The following ZNF713 variants were observed in gnomAD, a reference collection of about 807,000 sequenced individuals.
The protein encoded by ZNF713 is zinc finger protein 713.
In ZNF713, 21 loss-of-function variants were observed where a neutral mutation model predicts 28.7. That is an observed-to-expected ratio of 0.73 (90% CI 0.52 to 1.05). The LOEUF is 1.05. Ranked by LOEUF, ZNF713 falls within the 50% of genes least tolerant of loss-of-function variation. ZNF713 has a pLI of 0.00. For missense variants in ZNF713, 458 were observed against 532.4 expected, an observed-to-expected ratio of 0.86 and a Z score of 1.37; for synonymous variants, 167 against 178.0, an observed-to-expected ratio of 0.94 and a Z score of 0.49.
intron 1 of ZNF713, among the ~76,000 whole-genome samples, chr7:55,901,755 C>T (rs1410306842): frequency 6.6e-6 from 1 of 152,198 alleles, no homozygotes; most frequent in South Asian, 2.1e-4. Context: ...TAAGTGAACA[C>T]AAAGGATTTA....
chr7:55,917,935 A>C, intron 4 of ZNF713: 1 of 419,428 alleles, frequency 2.4e-6, no homozygotes, highest in Non-Finnish European at 4.9e-6. Context: ...AGACACTCTT[A>C]CACTGCTGGT....
chr7:55,905,531 A>G (rs1438855624), intron 1 of ZNF713, among the ~76,000 whole-genome samples: 1 of 151,996 alleles, frequency 6.6e-6, no homozygotes, highest in African/African-American at 2.4e-5. Context: ...CACTTTGGGA[A>G]AACTACAATT....
At chr7:55,887,874 CGGCGGCGGCGGCGGGCGG>C (rs1785302288) in intron 1 of ZNF713, among the ~76,000 whole-genome samples, 194 bp downstream of exon 1, 2 of 7,848 alleles carry the variant, frequency 2.5e-4, no homozygotes, top group South Asian at 6.3e-3. Flanking sequence ...GCGGCGGCGG[CGGCGGCGGCGGCGGGCGG>C]CGGCGGCGGC....
Position 55,940,638 on chromosome 7 carries a change from G to T in ZNF713, c.*632G>T. The T allele has an allele frequency of 1.2e-6, 1 of 836,044 alleles. No homozygotes were observed. The highest frequency in any genetic ancestry group is 1.4e-6 in the Non-Finnish European group (1 of 694,578). 51.8% of individuals were successfully genotyped at this position (836,044 alleles called of 1,614,324 possible). ...CACCTGCAATCCCAGCTACTCTGGA[G>T]ACTGAGGCATGAGAATGACTTGAAC... On this transcript the variant is annotated 3_prime_UTR_variant, in exon 7 of 7. Transcript: ENST00000429591.
chr7:55,927,077 G>A (rs1299769570), intron 6 of ZNF713, among the ~76,000 whole-genome samples: 1 of 152,140 alleles, frequency 6.6e-6, no homozygotes, highest in African/African-American at 2.4e-5. Flanking sequence ...GGGAGGTAGA[G>A]GTTGCAGTGA....
In ZNF713 at chr7:55,888,661, T is replaced by G. The variant is rs564158038; in HGVS notation, c.-583+981T>G. 7.9e-4 allele frequency among the ~76,000 whole-genome samples: 120 copies of G among 152,196 alleles called. 1 individual carries two copies. Among genetic ancestry groups the G allele is most frequent in the Non-Finnish European group, 1.4e-3 (94 of 68,012 alleles). On this transcript the variant is annotated intron_variant, in intron 1 of 6. Coordinates refer to ENST00000429591, the MANE Select transcript of ZNF713 (RefSeq NM_182633.3). Reference sequence around the variant, plus strand: ...TCTCAAAGTGCTGGGATTACAGGCATGAGCCACGGCGTTCGGCCAGCTGTT... The same window carrying G: ...TCTCAAAGTGCTGGGATTACAGGCAGGAGCCACGGCGTTCGGCCAGCTGTT...
intron 1 of ZNF713, among the ~76,000 whole-genome samples, chr7:55,899,356 C>CAAAAAA (rs71015114): frequency 1.5e-5 from 1 of 68,932 alleles, no homozygotes; most frequent in Non-Finnish European, 2.5e-5. Flanking sequence ...GATTCCATCT[C>CAAAAAA]AAAAAAAAAA....
At chr7:55,932,279 A>C (rs1009945855) in intron 6 of ZNF713, among the ~76,000 whole-genome samples, 1 of 151,818 alleles carries the variant, frequency 6.6e-6, no homozygotes, top group African/African-American at 2.4e-5. Context: ...CTGTAATTCC[A>C]GCACTTTGGG....
chr7:55,898,439 A>G (rs1685347715), intron 1 of ZNF713, among the ~76,000 whole-genome samples: 1 of 152,236 alleles, frequency 6.6e-6, no homozygotes, highest in Admixed American at 6.5e-5. Flanking sequence ...TACAGGCTGT[A>G]CAGGAAGCAT....
At chr7:55,892,387 A>G (rs1364914366) in intron 1 of ZNF713, among the ~76,000 whole-genome samples, 1 of 151,344 alleles carries the variant, frequency 6.6e-6, no homozygotes, top group Non-Finnish European at 1.5e-5. Context: ...TCAGGGTTTT[A>G]ATTGGGGACT....
In ZNF713 at chr7:55,900,128, G is replaced by A. The variant is rs28796354; in HGVS notation, c.-582-6125G>A. ...GTTTATTGCAACATTATTCACTGTA[G>A]TCAAGATATGGAAGTGACCTAGATG... On this transcript the variant is annotated intron_variant, in intron 1 of 6. Transcript: ENST00000429591. Among the ~76,000 whole-genome samples, 1,315 of 152,286 alleles carry A rather than the reference G, an allele frequency of 8.6e-3. 21 individuals are homozygous for A. Among genetic ancestry groups the A allele is most frequent in the African/African-American group, 0.03 (1,254 of 41,560 alleles).
Position 55,911,996 on chromosome 7 carries a change from G to A in ZNF713, c.-75G>A, listed in dbSNP as rs1490802432. ...ATGTAGAAGATAGCAGAGCTTTGGC[G>A]ACATTACAACATAAGAACTGCAGAG... On this transcript the variant is annotated 5_prime_UTR_variant, in exon 3 of 7. Transcript: ENST00000429591. 3 of 152,220 alleles carry A rather than the reference G, an allele frequency of 2.0e-5. No individual in the cohort carries two copies. The highest frequency in any genetic ancestry group is 2.9e-5 in the Non-Finnish European group (2 of 68,062). The allele number at this position is 152,220 out of a possible 1,614,324, so 9.4% of individuals were successfully genotyped here. A position where few individuals can be genotyped will look rare whatever the true frequency, so the allele number is the denominator to read the frequency against.
intron 4 of ZNF713, among the ~76,000 whole-genome samples, chr7:55,914,798 A>G (rs975657034): frequency 4.6e-5 from 7 of 152,146 alleles, no homozygotes; most frequent in Admixed American, 2.6e-4. Flanking sequence ...TATTTGGTGT[A>G]TATTAGTGCT....
chr7:55,923,830 A>C, intron 6 of ZNF713, 131 bp downstream of exon 6: 1 of 574,374 alleles, frequency 1.7e-6, no homozygotes, highest in Non-Finnish European at 3.0e-6. Flanking sequence ...AAATCAGTTC[A>C]TATTTTATAT....
rs994491126 is a variant in ZNF713, at chr7:55,908,990, G to T, written c.-456+2611G>T. Among the ~76,000 whole-genome samples, 38 of 151,904 alleles carry T rather than the reference G, an allele frequency of 2.5e-4. 1 individual carries two copies. The highest frequency in any genetic ancestry group is 7.5e-4 in the African/African-American group (31 of 41,344). Reference sequence around the variant, plus strand: ...TTGGGAGGGTGAGGTGAGGTCAGGAGATCGAGACCATCCTGGCCAACATGG... The same window carrying T: ...TTGGGAGGGTGAGGTGAGGTCAGGATATCGAGACCATCCTGGCCAACATGG... On this transcript the variant is annotated intron_variant, in intron 2 of 6. Coordinates refer to ENST00000429591, the MANE Select transcript of ZNF713 (RefSeq NM_182633.3).
At chr7:55,898,694 C>G (rs1785518146) in intron 1 of ZNF713, among the ~76,000 whole-genome samples, 1 of 152,066 alleles carries the variant, frequency 6.6e-6, no homozygotes, top group South Asian at 2.1e-4. Flanking sequence ...GGACTAATAT[C>G]CAAAATATAT....
rs1786417683 is a variant in ZNF713, at chr7:55,939,368, G to A, written c.694G>A (p.Glu232Lys). The A allele has an allele frequency of 6.2e-7, 1 of 1,613,806 alleles. No homozygotes were observed. The highest frequency in any genetic ancestry group is 1.3e-5 in the African/African-American group (1 of 74,920). The change falls in exon 7 of 7, where the codon GAG becomes AAG. Residue 232 changes from glutamate (E) to lysine (K), a missense_variant. Transcript: ENST00000429591. ...TTACTATCAGGGAAATTATGTAAGA[G>A]AGACTCCCTATGAATATAGTGAGTG... ...LIYYQGNYVRETPYEYSECGK... is the reference protein window; with the variant it reads ...LIYYQGNYVRKTPYEYSECGK...
intron 4 of ZNF713, among the ~76,000 whole-genome samples, chr7:55,917,478 T>C (rs1409064730): frequency 6.6e-6 from 1 of 152,080 alleles, no homozygotes; most frequent in Non-Finnish European, 1.5e-5. Flanking sequence ...GGCAGGCTGA[T>C]CACTTGAGGT....
At chr7:55,903,856 G>A (rs1374699369) in intron 1 of ZNF713, among the ~76,000 whole-genome samples, 2 of 152,076 alleles carry the variant, frequency 1.3e-5, no homozygotes, top group Admixed American at 6.5e-5. Flanking sequence ...CGAGCAAACA[G>A]GAGAGTAACT....
Sources: gnomAD v4.1 joint callset for allele counts (sites outside exome capture counted in the v4.1 genomes callset) on GRCh38, gnomAD v4.1.1 for gene constraint, MANE v1.5 for transcripts, NCBI Gene and HGNC (gene_info 2026-07-23, HGNC 2026-07-21) for gene names.